Variants in RNF43 observed in about 807,000 individuals in gnomAD.
RNF43 encodes E3 ubiquitin-protein ligase RNF43.
RNF43 carries 37 observed loss-of-function variants against 78.4 expected under a neutral mutation model. That is an observed-to-expected ratio of 0.47 (90% CI 0.36 to 0.62). The LOEUF is 0.62. RNF43 is among the 20% of genes least tolerant of loss of function. The pLI is 0.00. For synonymous variants in RNF43, 347 were observed against 395.0 expected (o/e 0.88, Z 1.44); for missense variants, 774 against 1,007.9 (o/e 0.77, Z 3.14).
rs139557480 is a variant in RNF43, at chr17:58,363,282, G to A, written c.575C>T (p.Pro192Leu). Residue 192 changes from proline (P) to leucine (L), a missense_variant, in exon 5 of 10, where the codon CCG becomes CTG. Coordinates refer to ENST00000407977, the MANE Select transcript of RNF43 (RefSeq NM_017763.6). Reference protein sequence around the residue: ...AHVRIELKEPPAWPDYDVWIL... With the variant: ...AHVRIELKEPLAWPDYDVWIL... ...GAGGTCTAGTGTGCTTACCCAGGCC[G>A]GGGGCTCCTTCAGCTCAATCCTCAC... 625 of 1,613,222 alleles carry A rather than the reference G, an allele frequency of 3.9e-4. 2 individuals carry two copies. In the Middle Eastern group the frequency reaches 4.1e-3, roughly 11 times the overall value.
intron 6 of RNF43, among the ~76,000 whole-genome samples, chr17:58,362,333 G>A (rs892674903): frequency 5.3e-5 from 8 of 152,184 alleles, no homozygotes; most frequent in Non-Finnish European, 1.2e-4. Context: ...AACAGTGCCT[G>A]ACACATAATA....
At chr17:58,369,563 G>A (rs1293582876) in intron 3 of RNF43, among the ~76,000 whole-genome samples, 2 of 152,182 alleles carry the variant, frequency 1.3e-5, no homozygotes, top group Non-Finnish European at 2.9e-5. Flanking sequence ...ACCCGTGTGT[G>A]CCACACACAA....
At chr17:58,362,698 G>T in intron 5 of RNF43, 50 bp from the exon 6 acceptor site, 2 of 1,444,516 alleles carry the variant, frequency 1.4e-6, no homozygotes, top group Non-Finnish European at 1.9e-6. Context: ...GATGAGCTGG[G>T]TCAATTCGGG....
At chr17:58,405,704 A>AAGAAAGAG (rs1973893604) in intron 2 of RNF43, among the ~76,000 whole-genome samples, 4 of 70,066 alleles carry the variant, frequency 5.7e-5, no homozygotes, top group Non-Finnish European at 8.0e-5. Context: ...TAATGACAGA[A>AAGAAAGAG]AGAAAGAAAG....
intron 3 of RNF43, among the ~76,000 whole-genome samples, chr17:58,369,089 ACACG>A (rs1437805055): frequency 2.6e-5 from 4 of 151,170 alleles, no homozygotes; most frequent in African/African-American, 9.9e-5. Flanking sequence ...ACACACACAC[ACACG>A]CACACACACA....
Position 58,354,902 on chromosome 17 carries a change from C to A in RNF43, c.*41G>T. 1 of 1,600,142 alleles carries A rather than the reference C, an allele frequency of 6.2e-7. No individual in the cohort carries two copies. The highest frequency in any genetic ancestry group is 8.6e-7 in the Non-Finnish European group (1 of 1,167,266). ...CTCTGTGCCAGGTAGGGCCCAAACA[C>A]ATCTGGAGCACACTCTTGGTTGGAG... On this transcript the variant is annotated 3_prime_UTR_variant, in exon 10 of 10. Coordinates refer to ENST00000407977, the MANE Select transcript of RNF43 (RefSeq NM_017763.6).
chr17:58,376,318 G>C (rs1333982041), intron 2 of RNF43, among the ~76,000 whole-genome samples: 2 of 152,034 alleles, frequency 1.3e-5, no homozygotes, highest in East Asian at 3.9e-4. Context: ...AAGTGCCCTT[G>C]AAAACAAATG....
At chr17:58,385,439 A>G (rs993495165) in intron 2 of RNF43, among the ~76,000 whole-genome samples, 2 of 152,214 alleles carry the variant, frequency 1.3e-5, no homozygotes, top group Non-Finnish European at 2.9e-5. Context: ...CCATTTTCCT[A>G]GAGACTCTGG....
Position 58,361,045 on chromosome 17 carries a change from A to G in RNF43, c.688-101T>C, listed in dbSNP as rs1972825785. On this transcript the variant is annotated intron_variant, in intron 6 of 9. Coordinates refer to ENST00000407977, the MANE Select transcript of RNF43 (RefSeq NM_017763.6). Reference sequence around the variant, plus strand: ...GTTCCCAGTCACTCAGGTAGATCACATGGCCAGTTGAACATCCTTAGGAGT... The same window carrying G: ...GTTCCCAGTCACTCAGGTAGATCACGTGGCCAGTTGAACATCCTTAGGAGT... 4.9e-6 allele frequency: 6 copies of G among 1,234,378 alleles called. No individual in the cohort carries two copies. In the South Asian group the frequency reaches 1.1e-4, roughly 22 times the overall value. 76.5% of individuals were successfully genotyped at this position (1,234,378 alleles called of 1,614,324 possible). A position where few individuals can be genotyped will look rare whatever the true frequency, so the allele number is the denominator to read the frequency against.
At chr17:58,404,571 C>T (rs951094608) in intron 2 of RNF43, among the ~76,000 whole-genome samples, 3 of 152,162 alleles carry the variant, frequency 2.0e-5, no homozygotes, top group Non-Finnish European at 2.9e-5. Flanking sequence ...TGGATCGGTA[C>T]ATTCTTCTTA....
intron 5 of RNF43, 189 bp downstream of exon 5, chr17:58,363,086 T>G: frequency 1.5e-6 from 1 of 651,258 alleles, no homozygotes; most frequent in Non-Finnish European, 2.6e-6. Context: ...CCTGATCTGT[T>G]CATTCTGTAG....
At chr17:58,366,005 T>C (rs1163225502) in intron 3 of RNF43, among the ~76,000 whole-genome samples, 2 of 152,134 alleles carry the variant, frequency 1.3e-5, no homozygotes, top group Non-Finnish European at 2.9e-5. Flanking sequence ...GATTTTCTTC[T>C]CCAGACAAGA....
At chr17:58,406,159 A>C (rs1291904098) in intron 2 of RNF43, among the ~76,000 whole-genome samples, 1 of 152,164 alleles carries the variant, frequency 6.6e-6, no homozygotes, top group Non-Finnish European at 1.5e-5. Context: ...ACTTATTTTA[A>C]AGTATGCCTG....
At chr17:58,362,705 C>G (rs747146284) in intron 5 of RNF43, 57 bp from the exon 6 acceptor site, 15 of 1,384,294 alleles carry the variant, frequency 1.1e-5, no homozygotes, top group Non-Finnish European at 1.5e-5. Flanking sequence ...TGGGTCAATT[C>G]GGGAGGAAAC....
rs549993660 is a variant in RNF43, at chr17:58,358,597, A to C, written c.1179T>G (p.Ala393=). Residue 393 remains alanine, a synonymous_variant, in exon 9 of 10, where the codon GCT becomes GCG. Transcript: ENST00000407977. This position sits in a 1 kb window ranked among gnomAD's most constrained non-coding sequence, Gnocchi z 6.2. ...MGPRHHRFPR[A]AHPRAPGEQQ... ...GCTCTCCTGGAGCCCGGGGATGTGC[A>C]GCTCTGGGGAAGCGGTGATGCCGAG... 9 of 1,581,688 alleles carry C rather than the reference A, an allele frequency of 5.7e-6. No homozygotes were observed. Among genetic ancestry groups the C allele is most frequent in the Non-Finnish European group, 7.7e-6 (9 of 1,162,606 alleles).
At chr17:58,381,956 G>C (rs1973329400) in intron 2 of RNF43, among the ~76,000 whole-genome samples, 1 of 152,094 alleles carries the variant, frequency 6.6e-6, no homozygotes, top group African/African-American at 2.4e-5. Context: ...CAAAGACTGT[G>C]AGAACTCCAA....
chr17:58,398,697 C>T (rs2143633834), intron 2 of RNF43, among the ~76,000 whole-genome samples: 1 of 152,150 alleles, frequency 6.6e-6, no homozygotes, highest in East Asian at 1.9e-4. Context: ...AGACTTTGTC[C>T]AATAGCCTCA....
rs755128667 is a variant in RNF43 at position 58,357,799 on chromosome 17, AC to A, written c.1976del (p.Gly659ValfsTer41). On this transcript the variant is annotated frameshift_variant, in exon 9 of 10. Transcript: ENST00000407977. LOFTEE classifies it high-confidence loss of function. This position sits in a 1 kb window ranked among gnomAD's most constrained non-coding sequence, Gnocchi z 4.5. The part of the protein sequence containing the change: ...ARHPQRKRRG[G>X]PSEPTPGSRP... ...GAGAGCCAGGGGTGGGCTCGGAGGG[AC>A]CCCCCCGCCTTTTCCTCTGTGGGTG... 2 of 1,612,396 alleles carry A rather than the reference AC, an allele frequency of 1.2e-6. No individual in the cohort carries two copies. The highest frequency in any genetic ancestry group is 1.7e-6 in the Non-Finnish European group (2 of 1,179,630).
chr17:58,384,300 A>C (rs1175318064), intron 2 of RNF43, among the ~76,000 whole-genome samples: 1 of 152,176 alleles, frequency 6.6e-6, no homozygotes, highest in Non-Finnish European at 1.5e-5. Context: ...TGCCATCACC[A>C]CACTGAGTGG....
Sources: allele counts gnomAD v4.1 joint callset (sites outside exome capture counted in the v4.1 genomes callset), GRCh38; gene constraint gnomAD v4.1.1; non-coding constraint Gnocchi (gnomAD v3.1); transcripts MANE v1.5; gene names NCBI Gene and HGNC (gene_info 2026-07-23, HGNC 2026-07-21).